The following PLEKHG4B variants were observed in gnomAD, a reference collection of about 807,000 sequenced individuals.
PLEKHG4B encodes the protein pleckstrin homology domain-containing family G member 4B.
PLEKHG4B carries 111 observed loss-of-function variants against 121.3 expected under a neutral mutation model. The ratio of observed to expected loss-of-function variants is 0.92; its 90% CI spans 0.78 to 1.07. The LOEUF is 1.07. Ranked by LOEUF, PLEKHG4B falls within the 50% of genes least tolerant of loss-of-function variation. PLEKHG4B has a pLI of 0.00. For synonymous variants in PLEKHG4B, 738 were observed against 725.0 expected, an observed-to-expected ratio of 1.02 and a Z score of -0.29; for missense variants, 1,831 against 1,757.8, an observed-to-expected ratio of 1.04 and a Z score of -0.74.
At chr5:165,112 G>A (rs1579314875) in intron 13 of PLEKHG4B, among the ~76,000 whole-genome samples, 2 of 124,054 alleles carry the variant, frequency 1.6e-5, no homozygotes, top group East Asian at 2.3e-4. Flanking sequence ...GCTGTGACGG[G>A]GCGGAGCTCA....
intron 6 of PLEKHG4B, among the ~76,000 whole-genome samples, chr5:151,098 T>C (rs779218090): frequency 1.3e-5 from 2 of 152,202 alleles, no homozygotes; most frequent in East Asian, 3.8e-4. Context: ...AGTCTATTTA[T>C]GTCTAGAAAA....
In PLEKHG4B at chr5:144,865, A is replaced by G. The variant is rs570690532; in HGVS notation, c.1850A>G (p.Asp617Gly). The change falls in exon 6 of 20, where the codon GAT becomes GGT. Residue 617 changes from aspartate to glycine, a missense_variant. Physicochemically the swap from Asp to Gly is moderately conservative, Grantham distance 94. Transcript: ENST00000637938. ...VRDLGLVVLVDARRSPAAPAV... is the reference protein window; with the variant it reads ...VRDLGLVVLVGARRSPAAPAV... The stretch of plus-strand genomic sequence containing the variant: ...GACCTGGGGCTGGTTGTCCTGGTGG[A>G]TGCACGCAGGAGTCCAGCTGCCCCT... The G allele has an allele frequency of 6.2e-7, 1 of 1,613,242 alleles. No individual in the cohort carries two copies. Among genetic ancestry groups the G allele is most frequent in the Non-Finnish European group, 8.5e-7 (1 of 1,179,972 alleles).
chr5:183,451 C>T lies in PLEKHG4B; in HGVS notation c.*1128C>T, dbSNP rs1006700442. ...TCAAACTGTGGCTGAAATCGCAGCCCAGGCGTCCAGAAAGTTAAAGTTAAG... is the reference window on the plus strand; with the variant it reads ...TCAAACTGTGGCTGAAATCGCAGCCTAGGCGTCCAGAAAGTTAAAGTTAAG... On this transcript the variant is annotated 3_prime_UTR_variant, in exon 20 of 20. Transcript: ENST00000637938. The T allele has an allele frequency of 1.2e-4, 19 of 152,320 alleles. No homozygotes were observed. Among genetic ancestry groups the T allele is most frequent in the African/African-American group, 4.1e-4 (17 of 41,558 alleles). 9.4% of individuals were successfully genotyped at this position (152,320 alleles called of 1,614,324 possible).
intron 11 of PLEKHG4B, among the ~76,000 whole-genome samples, chr5:161,246 G>A (rs1735990525): frequency 6.6e-6 from 1 of 152,204 alleles, no homozygotes; most frequent in Admixed American, 6.5e-5. Flanking sequence ...TCTTTCCCAG[G>A]CAGCCTCAAG....
intron 2 of PLEKHG4B, among the ~76,000 whole-genome samples, chr5:129,350 T>C (rs937631017): frequency 2.0e-5 from 3 of 152,320 alleles, no homozygotes; most frequent in Non-Finnish European, 4.4e-5. Flanking sequence ...CTGACGTCAG[T>C]TCTTTAGGCA....
chr5:117,667 A>G (rs990125144), intron 2 of PLEKHG4B, among the ~76,000 whole-genome samples: 7 of 152,178 alleles, frequency 4.6e-5, no homozygotes, highest in Non-Finnish European at 8.8e-5. Context: ...AGCCTGGCCA[A>G]CATGGCAAAA....
chr5:165,229 G>A lies in PLEKHG4B; in HGVS notation c.3476+1681G>A, dbSNP rs551188916. Among the ~76,000 whole-genome samples, 2 of 39,528 alleles carry A rather than the reference G, an allele frequency of 5.1e-5. 1 individual carries two copies. Among genetic ancestry groups the A allele is most frequent in the Non-Finnish European group, 1.2e-4 (2 of 16,902 alleles). The allele number at this position is 39,528 out of a possible 152,430, so 25.9% of individuals were successfully genotyped here. A position where few individuals can be genotyped will look rare whatever the true frequency, so the allele number is the denominator to read the frequency against. On this transcript the variant is annotated intron_variant, in intron 13 of 19. Coordinates refer to ENST00000637938, the MANE Select transcript of PLEKHG4B (RefSeq NM_052909.5). ...GCTCACACTAATGCTCTGACGGGGC[G>A]GAGCTCACACTAATGCTCTGACGGG... is the stretch of plus-strand genomic sequence containing the variant.
In PLEKHG4B at chr5:139,325, C is replaced by T. The variant is rs1336048208; in HGVS notation, c.244-158C>T. The stretch of plus-strand genomic sequence containing the variant: ...CGTGTTTTCTAGTCCTAATGACCTG[C>T]TTTATGTTCCAAGGAACAGGACACC... On this transcript the variant is annotated intron_variant, in intron 2 of 19. Transcript: ENST00000637938. The surrounding 1 kb of genome is among the most constrained non-coding windows in gnomAD (Gnocchi z 5.0). Among the ~76,000 whole-genome samples, 1 of 152,220 alleles carries T rather than the reference C, an allele frequency of 6.6e-6. No homozygotes were observed. Among genetic ancestry groups the T allele is most frequent in the Non-Finnish European group, 1.5e-5 (1 of 68,040 alleles).
chr5:161,094 T>C (rs1271555255), intron 11 of PLEKHG4B, among the ~76,000 whole-genome samples: 3 of 152,218 alleles, frequency 2.0e-5, no homozygotes, highest in Non-Finnish European at 4.4e-5. Context: ...TGTTGCTGTT[T>C]AACGACAACA....
At chr5:141,900 C>T (rs1222344378) in intron 3 of PLEKHG4B, among the ~76,000 whole-genome samples, 1 of 152,138 alleles carries the variant, frequency 6.6e-6, no homozygotes. Flanking sequence ...GAGACAGCCA[C>T]GCCTGCCCTG....
At chr5:127,198 A>G (rs1400645327) in intron 2 of PLEKHG4B, among the ~76,000 whole-genome samples, 1 of 152,066 alleles carries the variant, frequency 6.6e-6, no homozygotes, top group Non-Finnish European at 1.5e-5. Context: ...GCTCGATTTT[A>G]AAGGCTGCTC....
At chr5:160,510 A>G (rs1735962443) in intron 11 of PLEKHG4B, among the ~76,000 whole-genome samples, 2 of 152,102 alleles carry the variant, frequency 1.3e-5, no homozygotes, top group African/African-American at 4.8e-5. Context: ...ACAGCTGGAC[A>G]TTCTCTTCAC....
In PLEKHG4B at chr5:162,979, C is replaced by G. The variant is rs1245537023; in HGVS notation, c.2907C>G (p.Pro969=). The change falls in exon 13 of 20, where the codon CCC becomes CCG. Residue 969 remains proline (P), a synonymous_variant. Transcript: ENST00000637938. ...SEAAPDPSLP[P]LAQSPPKHER... is the part of the protein sequence containing the mutation. Reference sequence around the variant, plus strand: ...CTGCCCCAGACCCCAGCTTACCGCCCCTTGCCCAGAGCCCCCCAAAGCATG... The same window carrying G: ...CTGCCCCAGACCCCAGCTTACCGCCGCTTGCCCAGAGCCCCCCAAAGCATG... 1 of 1,567,528 alleles carries G rather than the reference C, an allele frequency of 6.4e-7. No individual in the cohort carries two copies. The highest frequency in any genetic ancestry group is 1.2e-5 in the South Asian group (1 of 85,316).
chr5:116,909 G>A (rs1734322905), intron 2 of PLEKHG4B, among the ~76,000 whole-genome samples: 1 of 152,220 alleles, frequency 6.6e-6, no homozygotes, highest in Non-Finnish European at 1.5e-5. Flanking sequence ...CATATTGCAA[G>A]GATGTTGACT....
rs1163310537 is a variant in PLEKHG4B at position 140,002 on chromosome 5, C to T, written c.763C>T (p.Arg255Ter). 9.7e-6 allele frequency: 4 copies of T among 410,732 alleles called. No individual in the cohort carries two copies. The highest frequency in any genetic ancestry group is 4.0e-5 in the Admixed American group (1 of 24,884). 25.4% of individuals were successfully genotyped at this position (410,732 alleles called of 1,614,324 possible). A position where few individuals can be genotyped will look rare whatever the true frequency, so the allele number is the denominator to read the frequency against. Residue 255 changes from arginine (R) to a stop codon, truncating the protein, a stop_gained, in exon 3 of 20, where the codon CGA becomes TGA. Transcript: ENST00000637938. LOFTEE classifies it high-confidence loss of function. The stretch of plus-strand genomic sequence containing the variant: ...CGACACCCTGACCTCACCCTGCCGC[C>T]GAGGGCATACGGGCAGCGACCAGCT... ...CPDTLTSPCR[R>*]GHTGSDQLRH...
At chr5:169,295 G>T in intron 13 of PLEKHG4B, 45 bp from the exon 14 acceptor site, 1 of 1,606,786 alleles carries the variant, frequency 6.2e-7, no homozygotes, top group Non-Finnish European at 8.5e-7. Flanking sequence ...TTAATAAAGT[G>T]TCCGTGGGGG....
chr5:182,584 C>A lies in PLEKHG4B; in HGVS notation c.*261C>A. The A allele has an allele frequency of 4.3e-6, 2 of 467,416 alleles. No homozygotes were observed. Among genetic ancestry groups the A allele is most frequent in the Non-Finnish European group, 3.8e-6 (1 of 261,844 alleles). The allele number at this position is 467,416 out of a possible 1,614,324, so 29.0% of individuals were successfully genotyped here. ...AACAGCATAGGAAACAGACCTAAAA[C>A]AAGACAAAAAAAGACTAAACATGAA... On this transcript the variant is annotated 3_prime_UTR_variant, in exon 20 of 20. Coordinates refer to ENST00000637938, the MANE Select transcript of PLEKHG4B (RefSeq NM_052909.5).
At chr5:160,405 C>A (rs554139170) in intron 11 of PLEKHG4B, among the ~76,000 whole-genome samples, 224 of 152,368 alleles carry the variant, frequency 1.5e-3, no homozygotes, top group Non-Finnish European at 2.6e-3. Context: ...GGTTTCCACG[C>A]ATAAGCCGTG....
chr5:186,897 TCC>T lies in PLEKHG4B; in HGVS notation c.*4578_*4579del. 6.6e-6 allele frequency: 1 copy of T among 152,352 alleles called. No homozygotes were observed. The highest frequency in any genetic ancestry group is 1.9e-4 in the East Asian group (1 of 5,166). The allele number at this position is 152,352 out of a possible 1,614,324, so 9.4% of individuals were successfully genotyped here. On this transcript the variant is annotated 3_prime_UTR_variant, in exon 20 of 20. Transcript: ENST00000637938. ...GGAGCTGGGAAGGTGTGTGATTTCCTCCCCCACCTCAGTACTGGGACCCCCAG... is the reference window on the plus strand; with the variant it reads ...GGAGCTGGGAAGGTGTGTGATTTCCTCCCACCTCAGTACTGGGACCCCCAG...
Sources: allele counts gnomAD v4.1 joint callset (sites outside exome capture counted in the v4.1 genomes callset), GRCh38; gene constraint gnomAD v4.1.1; non-coding constraint Gnocchi (gnomAD v3.1); transcripts MANE v1.5; gene names NCBI Gene and HGNC (gene_info 2026-07-23, HGNC 2026-07-21).